CNIH3: variants seen among roughly 807,000 people sequenced by gnomAD.
CNIH3 encodes the protein protein cornichon homolog 3.
In CNIH3, 14 loss-of-function variants were observed where a neutral mutation model predicts 24.1. The observed-to-expected ratio is 0.58, with a 90% CI of 0.38 to 0.91. The LOEUF (loss-of-function observed/expected upper bound fraction) is 0.91. Among genes scored for constraint, CNIH3 ranks in the 40% least tolerant of loss-of-function variants. The probability of loss-of-function intolerance (pLI) is 0.00; values close to 1 mark genes in which losing one functional copy is unlikely to be tolerated. For missense variants in CNIH3, 178 were observed against 196.8 expected (o/e 0.90, Z 0.57); for synonymous variants, 68 against 73.8 (o/e 0.92, Z 0.40).
intron 3 of CNIH3, among the ~76,000 whole-genome samples, chr1:224,708,380 A>C (rs1351210806): frequency 2.0e-5 from 3 of 152,114 alleles, no homozygotes; most frequent in African/African-American, 7.2e-5. Flanking sequence ...CCTGTCTTAA[A>C]ACACATTTCG....
chr1:224,700,346 G>A (rs1013049036), intron 3 of CNIH3, among the ~76,000 whole-genome samples: 1 of 152,166 alleles, frequency 6.6e-6, no homozygotes, highest in African/African-American at 2.4e-5. Flanking sequence ...CCATTCTGAG[G>A]TACTGGGAGT....
chr1:224,533,411 G>A (rs879893061), intron 2 of CNIH3, among the ~76,000 whole-genome samples: 12 of 150,202 alleles, frequency 8.0e-5, no homozygotes, highest in Non-Finnish European at 1.3e-4. Context: ...AAAAATCAGA[G>A]AGAGGACAGT....
intron 3 of CNIH3, among the ~76,000 whole-genome samples, chr1:224,690,537 A>G (rs1215500313): frequency 6.6e-6 from 1 of 152,128 alleles, no homozygotes; most frequent in Non-Finnish European, 1.5e-5. Flanking sequence ...GTCTGAGATG[A>G]TTTTGAGTTA....
At chr1:224,626,214 G>A (rs1355997919) in intron 1 of CNIH3, among the ~76,000 whole-genome samples, 1 of 152,176 alleles carries the variant, frequency 6.6e-6, no homozygotes, top group Non-Finnish European at 1.5e-5. Context: ...AGATCTGCAG[G>A]GTTGGAAGTG....
chr1:224,618,752 A>C (rs547441145), intron 1 of CNIH3, among the ~76,000 whole-genome samples: 8 of 152,306 alleles, frequency 5.3e-5, no homozygotes, highest in East Asian at 1.9e-4. Context: ...AGGGAATCCA[A>C]ACATAGATAT....
At chr1:224,502,620 G>A (rs1411734116) in intron 1 of CNIH3, among the ~76,000 whole-genome samples, 1 of 152,128 alleles carries the variant, frequency 6.6e-6, no homozygotes, top group Non-Finnish European at 1.5e-5. Flanking sequence ...GGGAGGGCGG[G>A]GCCCGTGCCA....
At chr1:224,585,779 G>A (rs1001726436) in intron 5 of CNIH3, among the ~76,000 whole-genome samples, 4 of 152,122 alleles carry the variant, frequency 2.6e-5, no homozygotes, top group South Asian at 2.1e-4. Flanking sequence ...ATGAGCCACC[G>A]CACCTAGCCC....
In CNIH3 at chr1:224,703,407, AT is replaced by A. The variant is rs1208372596; in HGVS notation, c.198+18566del. 1.3e-5 allele frequency among the ~76,000 whole-genome samples: 2 copies of A among 152,202 alleles called. No individual in the cohort carries two copies. Among genetic ancestry groups the A allele is most frequent in the Non-Finnish European group, 2.9e-5 (2 of 68,032 alleles). On this transcript the variant is annotated intron_variant, in intron 3 of 5. Coordinates refer to ENST00000272133, the MANE Select transcript of CNIH3 (RefSeq NM_152495.2). The surrounding 1 kb of genome is among the most constrained non-coding windows in gnomAD (Gnocchi z 4.2). Reference sequence around the variant, plus strand: ...AATTTTAAAAATCCTGATGCCCAGAATTCATCCCAAACCAATTAAGTCATAA... The same window carrying A: ...AATTTTAAAAATCCTGATGCCCAGAATCATCCCAAACCAATTAAGTCATAA...
At chr1:224,563,049 G>A (rs1680438261) in intron 3 of CNIH3, among the ~76,000 whole-genome samples, 1 of 152,128 alleles carries the variant, frequency 6.6e-6, no homozygotes. Flanking sequence ...CCACTCCTAG[G>A]TATGGAAGTG....
chr1:224,652,997 T>C (rs1684932229), intron 1 of CNIH3, among the ~76,000 whole-genome samples: 1 of 152,208 alleles, frequency 6.6e-6, no homozygotes, highest in Non-Finnish European at 1.5e-5. Context: ...GAAGGCCAGC[T>C]GGAGGAAGGG....
At chr1:224,645,441 C>T (rs755374818) in intron 1 of CNIH3, among the ~76,000 whole-genome samples, 9 of 152,248 alleles carry the variant, frequency 5.9e-5, no homozygotes, top group Admixed American at 3.9e-4. Flanking sequence ...CTGGATTGCA[C>T]GCGTGTTACA....
At chr1:224,620,179 AG>A (rs1252247679) in intron 1 of CNIH3, among the ~76,000 whole-genome samples, 4 of 152,274 alleles carry the variant, frequency 2.6e-5, no homozygotes, top group Admixed American at 2.0e-4. Context: ...AAGAAGCAGA[AG>A]AAAACTAGGT....
At chr1:224,695,882 A>T (rs1687153552) in intron 3 of CNIH3, among the ~76,000 whole-genome samples, 1 of 152,232 alleles carries the variant, frequency 6.6e-6, no homozygotes, top group South Asian at 2.1e-4. Flanking sequence ...TTTTGCTATG[A>T]GAAGTCACCA....
downstream of CNIH3, among the ~76,000 whole-genome samples, chr1:224,589,825 G>T (rs1481493248): frequency 6.6e-6 from 1 of 152,160 alleles, no homozygotes; most frequent in Admixed American, 6.5e-5. Flanking sequence ...TTGCTTACCA[G>T]TGGGACCTTA....
chr1:224,673,558 A>G (rs1379824416), intron 1 of CNIH3, among the ~76,000 whole-genome samples: 1 of 152,170 alleles, frequency 6.6e-6, no homozygotes, highest in Non-Finnish European at 1.5e-5. Context: ...AGCTTGAAAG[A>G]TACCTCGTCA....
chr1:224,716,223 A>ACTT (rs1688422712), intron 3 of CNIH3, among the ~76,000 whole-genome samples: 2 of 152,322 alleles, frequency 1.3e-5, no homozygotes, highest in East Asian at 3.9e-4. Context: ...TTACTCTTCT[A>ACTT]CTTCAGCTTT....
intron 3 of CNIH3, among the ~76,000 whole-genome samples, chr1:224,561,024 C>G (rs1324378534): frequency 6.6e-6 from 1 of 152,138 alleles, no homozygotes; most frequent in Non-Finnish European, 1.5e-5. Flanking sequence ...ATTTGCATGG[C>G]CTCTTTTGTG....
At chr1:224,715,473 C>T (rs1224578203) in intron 3 of CNIH3, among the ~76,000 whole-genome samples, 2 of 152,210 alleles carry the variant, frequency 1.3e-5, no homozygotes, top group African/African-American at 2.4e-5. Context: ...CAGTCCTCAA[C>T]ATCCAACTGC....
chr1:224,599,352 G>T (rs928802855), intron 3 of CNIH3, among the ~76,000 whole-genome samples: 10 of 152,106 alleles, frequency 6.6e-5, no homozygotes, highest in African/African-American at 1.9e-4. Context: ...TGGGCCTCTT[G>T]TTCCTTATGG....
Sources: allele counts gnomAD v4.1 joint callset (sites outside exome capture counted in the v4.1 genomes callset), GRCh38; gene constraint gnomAD v4.1.1; non-coding constraint Gnocchi (gnomAD v3.1); transcripts MANE v1.5; gene names NCBI Gene and HGNC (gene_info 2026-07-23, HGNC 2026-07-21).